Variants in ZZEF1 observed in about 807,000 individuals in gnomAD.
ZZEF1 encodes the protein zinc finger ZZ-type and EF-hand domain-containing protein 1.
Under a neutral mutation model 342.8 loss-of-function variants are expected in ZZEF1, and 157 were observed. The observed-to-expected ratio is 0.46, with a 90% CI of 0.40 to 0.52. ZZEF1 has a LOEUF of 0.52. ZZEF1 is among the 20% of genes least tolerant of loss of function. ZZEF1 has a pLI of 0.00. For missense variants in ZZEF1, 3,480 were observed against 3,725.6 expected (o/e 0.93, Z 1.72); for synonymous variants, 1,505 against 1,429.1 (o/e 1.05, Z -1.20).
At chr17:4,093,781 T>C (rs1474694001) in intron 11 of ZZEF1, among the ~76,000 whole-genome samples, 1 of 150,790 alleles carries the variant, frequency 6.6e-6, no homozygotes, top group Non-Finnish European at 1.5e-5. Flanking sequence ...AAGTTCAGGG[T>C]TTCAGCTCCT....
intron 28 of ZZEF1, 21 bp from the exon 29 acceptor site, chr17:4,064,850 T>G (rs748487356): frequency 1.1e-5 from 11 of 990,200 alleles, no homozygotes; most frequent in Admixed American, 7.1e-5. Context: ...ACAAGAATCA[T>G]AATTGAAAAA....
chr17:4,021,513 A>G (rs949357852), intron 44 of ZZEF1, among the ~76,000 whole-genome samples, 193 bp from the exon 45 acceptor site: 2 of 152,230 alleles, frequency 1.3e-5, no homozygotes, highest in Non-Finnish European at 1.5e-5. Context: ...ACTGAACACT[A>G]TGGGAACCTT....
At chr17:4,013,651 G>GATACGTAATAAGTAAT (rs1161370955) in intron 51 of ZZEF1, 37 bp from the exon 52 acceptor site, 2 of 1,572,406 alleles carry the variant, frequency 1.3e-6, no homozygotes, top group East Asian at 4.5e-5. Flanking sequence ...TATAAACAGA[G>GATACGTAATAAGTAAT]ATACGTAATA....
At chr17:4,045,494 A>G (rs2056894107) in intron 37 of ZZEF1, among the ~76,000 whole-genome samples, 1 of 152,196 alleles carries the variant, frequency 6.6e-6, no homozygotes, top group Admixed American at 6.5e-5. Flanking sequence ...ATCTAACATT[A>G]TCTTTAATAT....
intron 12 of ZZEF1, among the ~76,000 whole-genome samples, chr17:4,089,418 T>C (rs12940782): frequency 0.17 from 25,355 of 152,234 alleles, 2,176 homozygotes; most frequent in East Asian, 0.18. Flanking sequence ...ACTACTCAAC[T>C]GCGTAAATAT....
In ZZEF1 at chr17:4,054,041, A is replaced by G. The variant is rs750363632; in HGVS notation, c.5434+16T>C. The G allele has an allele frequency of 6.2e-6, 10 of 1,607,404 alleles. No individual in the cohort carries two copies. The highest frequency in any genetic ancestry group is 1.7e-4 in the Middle Eastern group (1 of 6,058). On this transcript the variant is annotated intron_variant, in intron 34 of 54. Transcript: ENST00000381638. The stretch of plus-strand genomic sequence containing the variant: ...TATTGCCTTTGGATACGGCGTACCC[A>G]GTTCATGAAATTTACCTAGGAAGCA...
At chr17:4,021,086 C>T in intron 45 of ZZEF1, 43 bp downstream of exon 45, 3 of 1,544,132 alleles carry the variant, frequency 1.9e-6, no homozygotes, top group South Asian at 1.2e-5. Flanking sequence ...GAAGCCATCC[C>T]TCAGAAGCCC....
chr17:4,090,664 T>C, intron 12 of ZZEF1, 55 bp downstream of exon 12: 1 of 1,437,094 alleles, frequency 7.0e-7, no homozygotes, highest in Middle Eastern at 1.7e-4. Flanking sequence ...CAATCACTAC[T>C]CAAAAAACAC....
At chr17:4,077,361 A>C (rs916200764) in intron 19 of ZZEF1, among the ~76,000 whole-genome samples, 2 of 152,144 alleles carry the variant, frequency 1.3e-5, no homozygotes, top group South Asian at 2.1e-4. Context: ...ACCCAATATA[A>C]GTGTTTTCGT....
chr17:4,009,294 A>T (rs1470166369), intron 53 of ZZEF1: 1 of 562,950 alleles, frequency 1.8e-6, no homozygotes, highest in Admixed American at 3.1e-5. Context: ...GGGGAGGAAA[A>T]AAAGAGAAGG....
At chr17:4,099,119 A>T (rs2058085309) in intron 9 of ZZEF1, among the ~76,000 whole-genome samples, 1 of 152,188 alleles carries the variant, frequency 6.6e-6, no homozygotes, top group Admixed American at 6.5e-5. Flanking sequence ...ATATGCAATG[A>T]CATTTTTTCA....
At chr17:4,007,367 T>G (rs1445260610) in intron 54 of ZZEF1, among the ~76,000 whole-genome samples, 1 of 152,146 alleles carries the variant, frequency 6.6e-6, no homozygotes, top group Non-Finnish European at 1.5e-5. Flanking sequence ...TGAGATGCCC[T>G]GGAGGCGAGG....
At chr17:4,020,585 C>A (rs1314171595) in intron 45 of ZZEF1, among the ~76,000 whole-genome samples, 4 of 152,192 alleles carry the variant, frequency 2.6e-5, no homozygotes, top group Admixed American at 2.0e-4. Flanking sequence ...GATCCTCCTG[C>A]CTCAGCCTCC....
intron 32 of ZZEF1, 87 bp downstream of exon 32, chr17:4,057,907 G>T (rs748733645): frequency 2.2e-6 from 3 of 1,362,400 alleles, no homozygotes; most frequent in African/African-American, 2.9e-5. Context: ...GTCTAGCTCC[G>T]GAGTCTGTGC....
At chr17:4,116,889 G>T in intron 3 of ZZEF1, 83 bp downstream of exon 3, 1 of 1,378,218 alleles carries the variant, frequency 7.3e-7, no homozygotes, top group African/African-American at 1.5e-5. Flanking sequence ...TGAAGGCAGG[G>T]AAAAGAATTG....
At chr17:4,019,523 A>G in intron 46 of ZZEF1, 146 bp downstream of exon 46, 1 of 659,380 alleles carries the variant, frequency 1.5e-6, no homozygotes, top group Non-Finnish European at 2.6e-6. Context: ...GCCACCTCCC[A>G]CCTCGCCTTA....
intron 39 of ZZEF1, among the ~76,000 whole-genome samples, chr17:4,034,884 G>A (rs1773738292): frequency 6.6e-6 from 1 of 152,166 alleles, no homozygotes; most frequent in African/African-American, 2.4e-5. Flanking sequence ...TGTAGTCCCA[G>A]CTACTTGGGA....
intron 26 of ZZEF1, among the ~76,000 whole-genome samples, chr17:4,069,948 C>CTA (rs1318458156): frequency 1.3e-5 from 2 of 152,226 alleles, no homozygotes; most frequent in African/African-American, 4.8e-5. Flanking sequence ...CCCTGCCAGG[C>CTA]GGTTAGGAAG....
At chr17:4,048,845 C>T (rs1050919408) in intron 37 of ZZEF1, among the ~76,000 whole-genome samples, 5 of 150,926 alleles carry the variant, frequency 3.3e-5, no homozygotes, top group African/African-American at 7.3e-5. Flanking sequence ...GTAGCTGGGA[C>T]TACAGGCACG....
Sources: allele counts gnomAD v4.1 joint callset (sites outside exome capture counted in the v4.1 genomes callset), GRCh38; gene constraint gnomAD v4.1.1; transcripts MANE v1.5; gene names NCBI Gene and HGNC (gene_info 2026-07-23, HGNC 2026-07-21).